SBNO2: variants seen among roughly 807,000 people sequenced by gnomAD.
SBNO2 encodes the protein protein strawberry notch homolog 2.
SBNO2 carries 89 observed loss-of-function variants against 146.3 expected under a neutral mutation model. The observed-to-expected ratio is 0.61, with a 90% CI of 0.51 to 0.73. The LOEUF is 0.73. SBNO2 is among the 30% of genes least tolerant of loss of function. SBNO2 has a pLI of 0.00. For synonymous variants in SBNO2, 1,147 were observed against 892.6 expected, an observed-to-expected ratio of 1.29 and a Z score of -5.08; for missense variants, 2,092 against 2,003.7, an observed-to-expected ratio of 1.04 and a Z score of -0.84.
At position 1,108,181 on chromosome 19, in the gene SBNO2, G is replaced by T; in HGVS notation, c.*39C>A. 6.7e-7 allele frequency: 1 copy of T among 1,503,204 alleles called. No homozygotes were observed. The highest frequency in any genetic ancestry group is 8.9e-7 in the Non-Finnish European group (1 of 1,121,558). 93.1% of individuals were successfully genotyped at this position (1,503,204 alleles called of 1,614,324 possible). A position where few individuals can be genotyped will look rare whatever the true frequency, so the allele number is the denominator to read the frequency against. ...CCACCGCTGCTCCTAGGGGAGAAACGGTCCCTGTGTCTTGGGGCATGTTTC... is the reference window on the plus strand; with the variant it reads ...CCACCGCTGCTCCTAGGGGAGAAACTGTCCCTGTGTCTTGGGGCATGTTTC... On this transcript the variant is annotated 3_prime_UTR_variant, in exon 32 of 32. Transcript: ENST00000361757.
In SBNO2 at chr19:1,136,596, G is replaced by C. The variant is rs1191829807; in HGVS notation, c.280-8831C>G. On this transcript the variant is annotated intron_variant, in intron 4 of 31. Coordinates refer to ENST00000361757, the MANE Select transcript of SBNO2 (RefSeq NM_014963.3). This position sits in a 1 kb window ranked among gnomAD's most constrained non-coding sequence, Gnocchi z 4.2. ...GCTCTTCTTGGCCTTGGCTGGGTGT[G>C]AACCAAAGACTTCCTGTAAGAAATC... Among the ~76,000 whole-genome samples, 1 of 152,184 alleles carries C rather than the reference G, an allele frequency of 6.6e-6. No individual in the cohort carries two copies. Among genetic ancestry groups the C allele is most frequent in the Non-Finnish European group, 1.5e-5 (1 of 68,004 alleles).
intron 1 of SBNO2, among the ~76,000 whole-genome samples, chr19:1,166,856 C>T (rs910139858): frequency 1.3e-5 from 2 of 152,202 alleles, no homozygotes; most frequent in East Asian, 1.9e-4. Context: ...CTGCTACTGT[C>T]ACTGCCTCAC....
intron 2 of SBNO2, among the ~76,000 whole-genome samples, chr19:1,151,883 G>C (rs1311487240): frequency 1.3e-5 from 2 of 152,178 alleles, no homozygotes; most frequent in African/African-American, 4.8e-5. Flanking sequence ...GGCCGGTCTC[G>C]AACTCCTGAC....
intron 1 of SBNO2, among the ~76,000 whole-genome samples, chr19:1,160,018 C>T (rs974052125): frequency 3.9e-5 from 6 of 152,080 alleles, no homozygotes; most frequent in Admixed American, 6.5e-5. Flanking sequence ...CATCAGCCTC[C>T]GGGTGCCCCC....
At chr19:1,123,840 G>T in intron 6 of SBNO2, 102 bp downstream of exon 6, 1 of 1,286,824 alleles carries the variant, frequency 7.8e-7, no homozygotes. Context: ...CCAGCTTCTA[G>T]GCCAGCCAAG....
At chr19:1,127,343 G>GC (rs1038204735) in intron 5 of SBNO2, among the ~76,000 whole-genome samples, 41 of 151,934 alleles carry the variant, frequency 2.7e-4, no homozygotes, top group East Asian at 9.7e-4. Flanking sequence ...CAGCATCCTG[G>GC]CCCCCCCCAA....
At chr19:1,125,923 G>A (rs1247476048) in intron 5 of SBNO2, among the ~76,000 whole-genome samples, 1 of 152,130 alleles carries the variant, frequency 6.6e-6, no homozygotes, top group African/African-American at 2.4e-5. Flanking sequence ...TAACCCAGAA[G>A]GTCGAGGCTG....
rs1418417831 is a variant in SBNO2 at position 1,119,109 on chromosome 19, T to C, written c.1429A>G (p.Ile477Val). Reference protein sequence around the residue: ...AMDMKVSGMYIARQLSFSGVT... With the variant: ...AMDMKVSGMYVARQLSFSGVT... ...CCGGAGAAGCTGAGCTGGCGTGCGA[T>C]GTACATGCCGCTGACCTTCATGTCC... is the stretch of plus-strand genomic sequence containing the variant. The change falls in exon 14 of 32, where the codon ATC becomes GTC. Residue 477 changes from isoleucine to valine, a missense_variant. Physicochemically the swap from Ile to Val is conservative, Grantham distance 29. Transcript: ENST00000361757. 3 of 1,604,766 alleles carry C rather than the reference T, an allele frequency of 1.9e-6. No individual in the cohort carries two copies. The highest frequency in any genetic ancestry group is 2.2e-5 in the East Asian group (1 of 44,476).
rs182804197 is a variant in SBNO2, at chr19:1,120,085, C to T, written c.1150-62G>A. 4.1e-5 allele frequency: 56 copies of T among 1,367,696 alleles called. No individual in the cohort carries two copies. In the East Asian group the frequency reaches 1.2e-3, roughly 29 times the overall value. 84.7% of individuals were successfully genotyped at this position (1,367,696 alleles called of 1,614,324 possible). A position where few individuals can be genotyped will look rare whatever the true frequency, so the allele number is the denominator to read the frequency against. On this transcript the variant is annotated intron_variant, in intron 11 of 31. Transcript: ENST00000361757. ...CGGGGGCGACCCCAGGAGCCCAGGT[C>T]CTGACCACCCAAGACCCCACCTTCC...
Position 1,117,439 on chromosome 19 carries a change from T to G in SBNO2, c.1588A>C (p.Lys530Gln), listed in dbSNP as rs911691877. ...GACCAGAACTGGCCCCACAGGGACT[T>G]GCGCGACTCCAGGCCGATCCAGTCG... is the stretch of plus-strand genomic sequence containing the variant. ...AADWIGLESR[K>Q]SLWGQFWSAH... Residue 530 changes from lysine (K) to glutamine (Q), a missense_variant, in exon 15 of 32, where the codon AAG (lysine) becomes CAG (glutamine). Transcript: ENST00000361757. The G allele has an allele frequency of 6.3e-7, 1 of 1,590,032 alleles. No individual in the cohort carries two copies. Among genetic ancestry groups the G allele is most frequent in the South Asian group, 1.1e-5 (1 of 87,164 alleles).
Position 1,127,609 on chromosome 19 carries a change from C to T in SBNO2, c.436G>A (p.Asp146Asn), listed in dbSNP as rs1599845563. The T allele has an allele frequency of 1.9e-6, 3 of 1,612,244 alleles. No homozygotes were observed. The highest frequency in any genetic ancestry group is 1.7e-5 in the Admixed American group (1 of 59,978). Residue 146 changes from aspartate (D) to asparagine (N), a missense_variant, in exon 5 of 32, where the codon GAT becomes AAT. By Grantham distance (23) the Asp-to-Asn change is conservative. Transcript: ENST00000361757. ...WDDNPAPSTHDKLFQLSRPFA... is the reference protein window; with the variant it reads ...WDDNPAPSTHNKLFQLSRPFA... ...GGGGCACCGGGCGCACTGACCTTATCGTGGGTGGAGGGGGCAGGGTTATCG... is the reference window on the plus strand; with the variant it reads ...GGGGCACCGGGCGCACTGACCTTATTGTGGGTGGAGGGGGCAGGGTTATCG...
intron 13 of SBNO2, 30 bp from the exon 14 acceptor site, chr19:1,119,194 G>A (rs547448312): frequency 1.8e-5 from 29 of 1,572,332 alleles, no homozygotes; most frequent in Admixed American, 5.2e-5. Flanking sequence ...CCGTGAGCAC[G>A]GCCAGAGCCC....
At chr19:1,121,995 C>T (rs1050661392) in intron 11 of SBNO2, 144 bp downstream of exon 11, 4 of 723,952 alleles carry the variant, frequency 5.5e-6, no homozygotes, top group Non-Finnish European at 7.7e-6. Flanking sequence ...AGCCCTTCCC[C>T]AGCCCCACCC....
intron 2 of SBNO2, among the ~76,000 whole-genome samples, chr19:1,151,814 C>T (rs890198083): frequency 2.0e-5 from 3 of 152,208 alleles, no homozygotes; most frequent in African/African-American, 7.2e-5. Flanking sequence ...AGGCGCCCGC[C>T]ACCACGCCCA....
chr19:1,124,621 G>A (rs1321367953), intron 5 of SBNO2, among the ~76,000 whole-genome samples: 2 of 152,206 alleles, frequency 1.3e-5, no homozygotes, highest in Non-Finnish European at 2.9e-5. Context: ...GAGGCCCCTC[G>A]AGGGCAGCAC....
chr19:1,115,732 A>C (rs1296158243), intron 17 of SBNO2: 1 of 521,980 alleles, frequency 1.9e-6, no homozygotes, highest in Non-Finnish European at 3.4e-6. Context: ...GGAAGGTGGG[A>C]GGGGTCTCGC....
In SBNO2 at chr19:1,127,671, G is replaced by A. The variant is rs1461079848; in HGVS notation, c.374C>T (p.Pro125Leu). The change falls in exon 5 of 32, where the codon CCG becomes CTG. Residue 125 changes from proline (P) to leucine (L), a missense_variant. Physicochemically the swap from Pro to Leu is moderately conservative, Grantham distance 98. Transcript: ENST00000361757. Reference protein sequence around the residue: ...SDIVDTPDFLPADSLNQVSTI... With the variant: ...SDIVDTPDFLLADSLNQVSTI... Reference sequence around the variant, plus strand: ...GGACACCTGGTTGAGGCTGTCAGCCGGCAGGAAGTCGGGCGTGTCCACGAT... The same window carrying A: ...GGACACCTGGTTGAGGCTGTCAGCCAGCAGGAAGTCGGGCGTGTCCACGAT... 1.2e-6 allele frequency: 2 copies of A among 1,613,540 alleles called. No individual in the cohort carries two copies. The highest frequency in any genetic ancestry group is 8.5e-7 in the Non-Finnish European group (1 of 1,179,844).
chr19:1,148,258 T>C (rs1266470958), intron 3 of SBNO2, among the ~76,000 whole-genome samples: 1 of 151,918 alleles, frequency 6.6e-6, no homozygotes, highest in African/African-American at 2.4e-5. Context: ...TCCTCCTGCA[T>C]AGAAAGGTTT....
chr19:1,117,064 C>T (rs1288747015), intron 15 of SBNO2, 138 bp from the exon 16 acceptor site: 1 of 845,004 alleles, frequency 1.2e-6, no homozygotes, highest in Non-Finnish European at 1.8e-6. Context: ...GCCACGGCCC[C>T]CCTACAACAC....
Sources: allele counts gnomAD v4.1 joint callset (sites outside exome capture counted in the v4.1 genomes callset), GRCh38; gene constraint gnomAD v4.1.1; non-coding constraint Gnocchi (gnomAD v3.1); transcripts MANE v1.5; gene names NCBI Gene and HGNC (gene_info 2026-07-23, HGNC 2026-07-21).